Variants in KRT33A observed in about 807,000 individuals in gnomAD.
The protein encoded by KRT33A is keratin, type I cuticular Ha3-I.
A neutral mutation model predicts 41.1 loss-of-function variants in KRT33A; 44 were observed. That is an observed-to-expected ratio of 1.07 (90% CI 0.84 to 1.38). The LOEUF (loss-of-function observed/expected upper bound fraction) is 1.38, where lower values mean the gene tolerates loss of function less well. Ranked by LOEUF, KRT33A falls within the 40% of genes most tolerant of loss-of-function variation. The pLI, the probability that KRT33A is intolerant of heterozygous loss-of-function variation, is 0.00. For missense variants in KRT33A, 536 were observed against 518.5 expected, an observed-to-expected ratio of 1.03 and a Z score of -0.33; for synonymous variants, 229 against 227.8, an observed-to-expected ratio of 1.01 and a Z score of -0.05.
chr17:41,348,689 C>G (rs2017460421), intron 2 of KRT33A, 50 bp from the exon 3 acceptor site: 1 of 1,596,026 alleles, frequency 6.3e-7, no homozygotes, highest in Middle Eastern at 1.7e-4. Context: ...TAGGCCTGGC[C>G]TTGACTCTGC....
At chr17:41,348,698 G>A in intron 2 of KRT33A, 59 bp from the exon 3 acceptor site, 1 of 1,581,232 alleles carries the variant, frequency 6.3e-7, no homozygotes, top group South Asian at 1.1e-5. Flanking sequence ...CCTTGACTCT[G>A]CTTTGGTTTG....
rs1597681841 is a variant in KRT33A at position 41,348,951 on chromosome 17, A to G, written c.432-312T>C. 2.6e-5 allele frequency among the ~76,000 whole-genome samples: 4 copies of G among 152,144 alleles called. No homozygotes were observed. In the South Asian group the frequency reaches 6.2e-4, roughly 24 times the overall value. On this transcript the variant is annotated intron_variant, in intron 2 of 6. Coordinates refer to ENST00000007735, the MANE Select transcript of KRT33A (RefSeq NM_004138.4). The stretch of plus-strand genomic sequence containing the variant: ...ACCACTGCCCTCCAGCCTGGGTGAC[A>G]GAGCAAGGCCCTGTCTCTAAAAAAA...
rs764410261 is a variant in KRT33A, at chr17:41,347,118, C to G, written c.693G>C (p.Gln231His). ...GGTTGGTTTCCACCAGGGCCTCATA[C>G]TGACTCCTGGTCTCATTCAGGACCT... is the stretch of plus-strand genomic sequence containing the variant. ...LNQVLNETRS[Q>H]YEALVETNRR... The change falls in exon 4 of 7, where the codon CAG (glutamine) becomes CAC (histidine). Residue 231 changes from glutamine (Q) to histidine (H), a missense_variant. Gln to His is a conservative substitution (Grantham distance 24). Transcript: ENST00000007735. The G allele has an allele frequency of 6.2e-7, 1 of 1,614,106 alleles. No individual in the cohort carries two copies. The highest frequency in any genetic ancestry group is 1.3e-5 in the African/African-American group (1 of 74,934).
chr17:41,346,412 A>G, intron 6 of KRT33A, 36 bp downstream of exon 6: 1 of 1,611,828 alleles, frequency 6.2e-7, no homozygotes, highest in Non-Finnish European at 8.5e-7. Context: ...GCAACCTAAC[A>G]TGCCCCAAGG....
At position 41,350,679 on chromosome 17, in the gene KRT33A, G is replaced by C. The variant is rs374876036; in HGVS notation, c.89C>G (p.Thr30Ser). 2 of 1,612,252 alleles carry C rather than the reference G, an allele frequency of 1.2e-6. No homozygotes were observed. The highest frequency in any genetic ancestry group is 2.2e-5 in the South Asian group (2 of 91,044). ...GGGGATGTTGCAGGCCCCGGGCAGGGTGCAGCCGTGGCAGCTGGGGGGCAC... is the reference window on the plus strand; with the variant it reads ...GGGGATGTTGCAGGCCCCGGGCAGGCTGCAGCCGTGGCAGCTGGGGGGCAC... ...PCVPPSCHGC[T>S]LPGACNIPAN... is the part of the protein sequence containing the mutation. Residue 30 changes from threonine (T) to serine (S), a missense_variant, in exon 1 of 7, where the codon ACC becomes AGC. By Grantham distance (58) the Thr-to-Ser change is moderately conservative. Coordinates refer to ENST00000007735, the MANE Select transcript of KRT33A (RefSeq NM_004138.4).
rs1276252129 is a variant in KRT33A at position 41,349,347 on chromosome 17, T to G, written c.430A>C (p.Lys144Gln). ...AKLASDDFRT[K>Q]YETELSLRQL... Reference sequence around the variant, plus strand: ...GCAACACCCCGCTTGCCCACTCACTTGGTCCTGAAGTCATCTGAGGCCAGC... The same window carrying G: ...GCAACACCCCGCTTGCCCACTCACTGGGTCCTGAAGTCATCTGAGGCCAGC... Residue 144 changes from lysine (K) to glutamine (Q), a missense_variant and splice_region_variant, in exon 2 of 7, where the codon AAA (lysine) becomes CAA (glutamine). Lys to Gln is a moderately conservative substitution (Grantham distance 53). Coordinates refer to ENST00000007735, the MANE Select transcript of KRT33A (RefSeq NM_004138.4). 4.3e-6 allele frequency: 7 copies of G among 1,613,616 alleles called. No individual in the cohort carries two copies. Among genetic ancestry groups the G allele is most frequent in the Non-Finnish European group, 5.9e-6 (7 of 1,179,680 alleles).
chr17:41,347,107 A>G lies in KRT33A; in HGVS notation c.704T>C (p.Leu235Pro), dbSNP rs2017436655. The G allele has an allele frequency of 6.2e-7, 1 of 1,614,182 alleles. No homozygotes were observed. Among genetic ancestry groups the G allele is most frequent in the Non-Finnish European group, 8.5e-7 (1 of 1,180,008 alleles). ...LNETRSQYEA[L>P]VETNRREVEQ... ...CACTTCCCTGCGGTTGGTTTCCACC[A>G]GGGCCTCATACTGACTCCTGGTCTC... Residue 235 changes from leucine (L) to proline (P), a missense_variant, in exon 4 of 7, where the codon CTG (leucine) becomes CCG (proline). Leu to Pro is a moderately conservative substitution (Grantham distance 98). Coordinates refer to ENST00000007735, the MANE Select transcript of KRT33A (RefSeq NM_004138.4).
rs2017428645 is a variant in KRT33A, at chr17:41,346,845, A to C, written c.875T>G (p.Leu292Arg). Residue 292 changes from leucine (L) to arginine (R), a missense_variant and splice_region_variant, in exon 5 of 7, where the codon CTG becomes CGG. Physicochemically the swap from Leu to Arg is moderately radical, Grantham distance 102. Transcript: ENST00000007735. Reference sequence around the variant, plus strand: ...CCAGCAGGTCTGAACAATACACACCAGGTTGTGCTGGGCCTGCAGCTCGAT... The same window carrying C: ...CCAGCAGGTCTGAACAATACACACCCGGTTGTGCTGGGCCTGCAGCTCGAT... Reference protein sequence around the residue: ...LEIELQAQHNLRDSLENTLTE... With the variant: ...LEIELQAQHNRRDSLENTLTE... 6.2e-7 allele frequency: 1 copy of C among 1,612,582 alleles called. No homozygotes were observed.
chr17:41,348,024 C>T (rs2017449966), intron 3 of KRT33A, among the ~76,000 whole-genome samples: 1 of 152,148 alleles, frequency 6.6e-6, no homozygotes, highest in Non-Finnish European at 1.5e-5. Context: ...TAATGGTGAG[C>T]ATTTTGCTCA....
At chr17:41,347,880 G>T (rs535401755) in intron 3 of KRT33A, among the ~76,000 whole-genome samples, 2 of 152,186 alleles carry the variant, frequency 1.3e-5, no homozygotes, top group East Asian at 3.8e-4. Context: ...ACTGCCTCCG[G>T]AGTTAAAGCA....
Position 41,347,225 on chromosome 17 carries a change from G to A in KRT33A, c.589-3C>T, listed in dbSNP as rs2017439775. ...TGGCAGCGCAGGGTGTTAACCTCCTGATGGAGAAAGGGCAAAATTTTAAAT... is the reference window on the plus strand; with the variant it reads ...TGGCAGCGCAGGGTGTTAACCTCCTAATGGAGAAAGGGCAAAATTTTAAAT... On this transcript the variant is annotated splice_polypyrimidine_tract_variant and splice_region_variant and intron_variant, in intron 3 of 6. Coordinates refer to ENST00000007735, the MANE Select transcript of KRT33A (RefSeq NM_004138.4). The A allele has an allele frequency of 3.8e-6, 6 of 1,590,122 alleles. No individual in the cohort carries two copies. Among genetic ancestry groups the A allele is most frequent in the Non-Finnish European group, 5.1e-6 (6 of 1,171,282 alleles).
chr17:41,346,146 A>G lies in KRT33A; in HGVS notation c.1188T>C (p.Cys396=), dbSNP rs16966703. ...ISNPCGLRAR[C]GPCNTFGY is the part of the protein sequence containing the mutation. ...AGTACCCAAATGTGTTGCAAGGCCC[A>G]CACCGAGCACGTAGGCCACAGGGAT... is the stretch of plus-strand genomic sequence containing the variant. Residue 396 remains cysteine, a synonymous_variant, in exon 7 of 7, where the codon TGT becomes TGC. Transcript: ENST00000007735. 142,502 of 1,613,572 alleles carry G rather than the reference A, an allele frequency of 0.088. 8,565 individuals are homozygous for G. The highest frequency in any genetic ancestry group is 0.3 in the African/African-American group (22,663 of 74,902).
At chr17:41,347,038 T>C in intron 4 of KRT33A, 23 bp downstream of exon 4, 1 of 1,611,880 alleles carries the variant, frequency 6.2e-7, no homozygotes, top group Non-Finnish European at 8.5e-7. Context: ...GGGTCCTGAG[T>C]GGCCACGTGC....
chr17:41,350,286 C>T (rs947186256), intron 1 of KRT33A, 134 bp downstream of exon 1: 4 of 995,670 alleles, frequency 4.0e-6, no homozygotes, highest in East Asian at 2.6e-5. Flanking sequence ...ATTAGATGGG[C>T]CCTCAAAAAA....
chr17:41,348,830 A>G (rs753645311), intron 2 of KRT33A, among the ~76,000 whole-genome samples, 191 bp from the exon 3 acceptor site: 2 of 152,172 alleles, frequency 1.3e-5, no homozygotes, highest in African/African-American at 2.4e-5. Flanking sequence ...TCCAGTGGAT[A>G]GACTTCTATA....
At chr17:41,348,733 G>A (rs1442268057) in intron 2 of KRT33A, 94 bp from the exon 3 acceptor site, 1 of 1,349,260 alleles carries the variant, frequency 7.4e-7, no homozygotes, top group African/African-American at 1.5e-5. Flanking sequence ...TAGGAATTAG[G>A]GTTTGTAGTT....
In KRT33A at chr17:41,347,229, G is replaced by A; in HGVS notation, c.589-7C>T. ...AGCGCAGGGTGTTAACCTCCTGATG[G>A]AGAAAGGGCAAAATTTTAAATTTCA... On this transcript the variant is annotated splice_polypyrimidine_tract_variant and splice_region_variant and intron_variant, in intron 3 of 6. Coordinates refer to ENST00000007735, the MANE Select transcript of KRT33A (RefSeq NM_004138.4). 1 of 1,586,774 alleles carries A rather than the reference G, an allele frequency of 6.3e-7. No individual in the cohort carries two copies. The highest frequency in any genetic ancestry group is 8.5e-7 in the Non-Finnish European group (1 of 1,169,798).
intron 3 of KRT33A, among the ~76,000 whole-genome samples, chr17:41,347,644 A>G (rs1409532966): frequency 1.3e-5 from 2 of 152,262 alleles, no homozygotes; most frequent in African/African-American, 4.8e-5. Flanking sequence ...CTTACTTCAA[A>G]ATCTGCCATC....
At position 41,346,895 on chromosome 17, in the gene KRT33A, C is replaced by G. The variant is rs917945684; in HGVS notation, c.825G>C (p.Leu275=). ...TCTCCAGGGCATTGACCGTGCGTCTCAGCTCGATGATCTCCGCCTGGTAGG... is the reference window on the plus strand; with the variant it reads ...TCTCCAGGGCATTGACCGTGCGTCTGAGCTCGATGATCTCCGCCTGGTAGG... ...LQSYQAEIIE[L]RRTVNALEIE... The change falls in exon 5 of 7, where the codon CTG becomes CTC. Residue 275 remains leucine (L), a synonymous_variant. Transcript: ENST00000007735. 4 of 1,613,130 alleles carry G rather than the reference C, an allele frequency of 2.5e-6. No homozygotes were observed. The highest frequency in any genetic ancestry group is 3.4e-6 in the Non-Finnish European group (4 of 1,180,028).
Sources: gnomAD v4.1 joint callset for allele counts (sites outside exome capture counted in the v4.1 genomes callset) on GRCh38, gnomAD v4.1.1 for gene constraint, MANE v1.5 for transcripts, NCBI Gene and HGNC (gene_info 2026-07-23, HGNC 2026-07-21) for gene names.